The following BEND3 variants were observed in gnomAD, a reference collection of about 807,000 sequenced individuals.
The protein encoded by BEND3 is BEN domain-containing protein 3.
A neutral mutation model predicts 60.1 loss-of-function variants in BEND3; 13 were observed. The observed-to-expected ratio is 0.22, with a 90% CI of 0.14 to 0.34. BEND3 has a LOEUF of 0.34. BEND3 is among the 10% of genes least tolerant of loss of function. BEND3 has a pLI of 1.00. For synonymous variants in BEND3, 497 were observed against 491.5 expected, an observed-to-expected ratio of 1.01 and a Z score of -0.15; for missense variants, 896 against 1,138.1, an observed-to-expected ratio of 0.79 and a Z score of 3.06.
At chr6:107,112,659 G>A (rs1393697668) in intron 1 of BEND3, among the ~76,000 whole-genome samples, 2 of 152,010 alleles carry the variant, frequency 1.3e-5, no homozygotes, top group Non-Finnish European at 2.9e-5. Flanking sequence ...TTCGAGACCA[G>A]CCTGACCAAC....
Position 107,077,492 on chromosome 6 carries a change from C to T in BEND3, c.241-6542G>A, listed in dbSNP as rs149624903. Among the ~76,000 whole-genome samples the T allele has an allele frequency of 1.1e-3, 170 of 152,252 alleles. 2 individuals carry two copies. The East Asian group carries it at 0.029, about 26-fold the overall frequency. ...AAGCCAGACACAGTCTCTGCTCTCA[C>T]GGCTCTTACTCTGTGGGTCATCCTT... On this transcript the variant is annotated intron_variant, in intron 3 of 3. Coordinates refer to ENST00000369042, the MANE Select transcript of BEND3 (RefSeq NM_001367314.1).
chr6:107,073,797 G>A (rs1268061556), intron 3 of BEND3, among the ~76,000 whole-genome samples: 6 of 152,030 alleles, frequency 3.9e-5, no homozygotes, highest in African/African-American at 1.5e-4. Flanking sequence ...TGAGGTAGGA[G>A]GATTGCTTCA....
In BEND3 at chr6:107,070,352, C is replaced by A; in HGVS notation, c.839G>T (p.Ser280Ile). The A allele has an allele frequency of 1.9e-6, 3 of 1,612,382 alleles. No individual in the cohort carries two copies. The highest frequency in any genetic ancestry group is 2.5e-6 in the Non-Finnish European group (3 of 1,179,762). ...LLVQLFPELF[S>I]DVDFSRGCSA... Reference sequence around the variant, plus strand: ...GCAGCCCCGGGAGAAGTCCACGTCGCTGAAGAGCTCGGGGAAGAGCTGCAC... The same window carrying A: ...GCAGCCCCGGGAGAAGTCCACGTCGATGAAGAGCTCGGGGAAGAGCTGCAC... Residue 280 changes from serine (S) to isoleucine (I), a missense_variant, in exon 4 of 4, where the codon AGC becomes ATC. This residue lies in a region of BEND3 where 846 missense variants were observed against 1,036.7 expected (regional missense o/e 0.82). Transcript: ENST00000369042. The surrounding 1 kb of genome is among the most constrained non-coding windows in gnomAD (Gnocchi z 6.9).
In BEND3 at chr6:107,065,858, C is replaced by T. The variant is rs1774816409; in HGVS notation, c.*2846G>A. 4.6e-5 allele frequency: 7 copies of T among 152,382 alleles called. No individual in the cohort carries two copies. The South Asian group carries it at 1.5e-3, about 32-fold the overall frequency. 9.4% of individuals were successfully genotyped at this position (152,382 alleles called of 1,614,324 possible). ...CCAACACCGAAAGGGGAGGGGCACG[C>T]TAGCGCAAATGACACCAGACACGAC... On this transcript the variant is annotated 3_prime_UTR_variant, in exon 4 of 4. Coordinates refer to ENST00000369042, the MANE Select transcript of BEND3 (RefSeq NM_001367314.1).
At chr6:107,114,727 C>T (rs1324152614) in intron 1 of BEND3, among the ~76,000 whole-genome samples, 1 of 145,920 alleles carries the variant, frequency 6.9e-6, no homozygotes, top group Non-Finnish European at 1.5e-5. Context: ...GCGCGCGGCG[C>T]GAGTGGGGCG....
At position 107,069,560 on chromosome 6, in the gene BEND3, G is replaced by T; in HGVS notation, c.1631C>A (p.Pro544His). 3 of 1,613,198 alleles carry T rather than the reference G, an allele frequency of 1.9e-6. No homozygotes were observed. Among genetic ancestry groups the T allele is most frequent in the Non-Finnish European group, 2.5e-6 (3 of 1,180,030 alleles). ...IDFDKLEIPQPDFEVPGADCL... is the reference protein window; with the variant it reads ...IDFDKLEIPQHDFEVPGADCL... ...GTCGGCACCGGGCACCTCGAAGTCA[G>T]GCTGGGGGATCTCTAACTTGTCGAA... is the stretch of plus-strand genomic sequence containing the variant. The change falls in exon 4 of 4, where the codon CCT becomes CAT. Residue 544 changes from proline to histidine, a missense_variant. Around this residue, in one of 4 missense-constraint regions of BEND3, gnomAD observed 846 missense variants for 1,036.7 expected, o/e 0.82. Transcript: ENST00000369042.
At chr6:107,087,720 G>C (rs1775382532) in intron 3 of BEND3, among the ~76,000 whole-genome samples, 1 of 147,314 alleles carries the variant, frequency 6.8e-6, no homozygotes, top group Non-Finnish European at 1.5e-5. Context: ...CTGGGCGACA[G>C]AGCAAGACTC....
intron 1 of BEND3, among the ~76,000 whole-genome samples, chr6:107,102,825 A>G (rs538969484): frequency 1.3e-5 from 2 of 152,318 alleles, no homozygotes; most frequent in East Asian, 3.9e-4. Context: ...TGGCCACTGC[A>G]TGTGTGCCTG....
chr6:107,100,107 G>A (rs370628794), intron 1 of BEND3, among the ~76,000 whole-genome samples: 13 of 152,206 alleles, frequency 8.5e-5, no homozygotes, highest in African/African-American at 2.6e-4. Context: ...CTCCTCAAGC[G>A]ATCCTTCCAC....
chr6:107,069,266 C>T lies in BEND3; in HGVS notation c.1925G>A (p.Arg642His). The change falls in exon 4 of 4, where the codon CGC becomes CAC. Residue 642 changes from arginine to histidine, a missense_variant. By Grantham distance (29) the Arg-to-His change is conservative. Around this residue, in one of 4 missense-constraint regions of BEND3, gnomAD observed 846 missense variants for 1,036.7 expected, o/e 0.82. Transcript: ENST00000369042. Reference sequence around the variant, plus strand: ...TTGCTCCGTGTCCCGGCGCCGGCAGCGCTCATCCAGTTTGCCCACGAACTC... The same window carrying T: ...TTGCTCCGTGTCCCGGCGCCGGCAGTGCTCATCCAGTTTGCCCACGAACTC... ...TLEFVGKLDE[R>H]CRRRDTEQRR... 1.2e-6 allele frequency: 2 copies of T among 1,611,708 alleles called. No individual in the cohort carries two copies. Among genetic ancestry groups the T allele is most frequent in the Non-Finnish European group, 1.7e-6 (2 of 1,179,204 alleles).
intron 1 of BEND3, among the ~76,000 whole-genome samples, chr6:107,103,624 A>T (rs929884144): frequency 6.6e-5 from 10 of 152,192 alleles, no homozygotes; most frequent in Non-Finnish European, 1.5e-5. Flanking sequence ...TATGTCCCTC[A>T]GACAGCTGAG....
intron 3 of BEND3, among the ~76,000 whole-genome samples, chr6:107,071,638 G>A (rs1046371054): frequency 1.3e-5 from 2 of 151,956 alleles, no homozygotes; most frequent in African/African-American, 4.8e-5. Context: ...ACAACCCCCC[G>A]TTTCTGAAAA....
chr6:107,081,814 T>C (rs537098499), intron 3 of BEND3, among the ~76,000 whole-genome samples: 169 of 152,204 alleles, frequency 1.1e-3, no homozygotes, highest in African/African-American at 3.8e-3. Context: ...GAATATACCC[T>C]TTCCTTTGTG....
intron 3 of BEND3, among the ~76,000 whole-genome samples, chr6:107,091,407 T>C (rs1285471891): frequency 1.3e-5 from 2 of 152,072 alleles, no homozygotes; most frequent in Admixed American, 1.3e-4. Flanking sequence ...GTAAAATCCA[T>C]ATGCCTCTAG....
intron 1 of BEND3, among the ~76,000 whole-genome samples, chr6:107,105,377 G>GAAAAAAAAAAAAAAAAAAAAAAA (rs35131970): frequency 8.3e-6 from 1 of 120,414 alleles, no homozygotes. Flanking sequence ...TCTCAAAAAA[G>GAAAAAAAAAAAAAAAAAAAAAAA]AAAAAAAAAA....
chr6:107,079,000 A>T (rs150143732), intron 3 of BEND3, among the ~76,000 whole-genome samples: 2,325 of 152,150 alleles, frequency 0.015, 52 homozygotes, highest in African/African-American at 0.052. Flanking sequence ...TCCTGTGCCT[A>T]TAGAAATCCC....
rs1028969238 is a variant in BEND3 at position 107,106,697 on chromosome 6, A to C, written c.-11-7401T>G. Among the ~76,000 whole-genome samples the C allele has an allele frequency of 2.0e-5, 3 of 151,340 alleles. No homozygotes were observed. In the South Asian group the frequency reaches 6.3e-4, roughly 32 times the overall value. ...TGATCAGAGCTCACTGTAGCCTTGA[A>C]CTCCTGGGCTCAGATGATTCTCCCA... On this transcript the variant is annotated intron_variant, in intron 1 of 3. Transcript: ENST00000369042.
At chr6:107,105,612 A>C (rs1395565320) in intron 1 of BEND3, among the ~76,000 whole-genome samples, 1 of 152,156 alleles carries the variant, frequency 6.6e-6, no homozygotes, top group Non-Finnish European at 1.5e-5. Context: ...CAGCAGCGTG[A>C]GCCTAATCAG....
chr6:107,083,585 C>T (rs7753343), intron 3 of BEND3, among the ~76,000 whole-genome samples: 71,120 of 151,578 alleles, frequency 0.47, 16,992 homozygotes, highest in Middle Eastern at 0.53. Flanking sequence ...TGCAGTGAGC[C>T]GTGGTCACAC....
Sources: gnomAD v4.1 joint callset for allele counts (sites outside exome capture counted in the v4.1 genomes callset) on GRCh38, gnomAD v4.1.1 for gene constraint, gnomAD v4.1.1 regional missense constraint, Gnocchi (gnomAD v3.1) non-coding constraint, MANE v1.5 for transcripts, NCBI Gene and HGNC (gene_info 2026-07-23, HGNC 2026-07-21) for gene names.